The following OPA1 variants were observed in gnomAD, a reference collection of about 807,000 sequenced individuals.
OPA1 encodes the protein dynamin-like GTPase OPA1, mitochondrial.
Under a neutral mutation model 152.9 loss-of-function variants are expected in OPA1, and 59 were observed. That is an observed-to-expected ratio of 0.39 (90% CI 0.31 to 0.48). The LOEUF is 0.48. Ranked by LOEUF, OPA1 falls within the 20% of genes least tolerant of loss-of-function variation. The pLI, the probability that OPA1 is intolerant of heterozygous loss-of-function variation, is 0.96. For synonymous variants in OPA1, 400 were observed against 389.9 expected (o/e 1.03, Z -0.31); for missense variants, 1,008 against 1,216.8 (o/e 0.83, Z 2.55).
chr3:193,692,710 C>T (rs537185948), intron 30 of OPA1, among the ~76,000 whole-genome samples: 1 of 152,342 alleles, frequency 6.6e-6, no homozygotes, highest in South Asian at 2.1e-4. Context: ...TATTTAAGGA[C>T]TTTTCCTTAG....
chr3:193,669,390 A>C (rs1160311965), intron 29 of OPA1, among the ~76,000 whole-genome samples: 1 of 152,136 alleles, frequency 6.6e-6, no homozygotes, highest in Non-Finnish European at 1.5e-5. Flanking sequence ...CCACCTTGGC[A>C]ATGTAGTTAA....
In OPA1 at chr3:193,692,123, A is replaced by T; in HGVS notation, c.3044A>T (p.Lys1015Ile). The stretch of plus-strand genomic sequence containing the variant: ...TTCATTGAAGCTCTTCATCAGGAGA[A>T]ATAAATTAAGTGAGTAAAAATTCTC... ...DAFIEALHQE[K>I] The change falls in exon 30 of 31, where the codon AAA (lysine) becomes ATA (isoleucine). Residue 1015 changes from lysine to isoleucine, a missense_variant. By Grantham distance (102) the Lys-to-Ile change is moderately radical (BLOSUM62 -3). Transcript: ENST00000361510. The T allele has an allele frequency of 6.6e-7, 1 of 1,524,400 alleles. No individual in the cohort carries two copies. Among genetic ancestry groups the T allele is most frequent in the African/African-American group, 1.4e-5 (1 of 73,160 alleles). 94.4% of individuals were successfully genotyped at this position (1,524,400 alleles called of 1,614,324 possible). A position where few individuals can be genotyped will look rare whatever the true frequency, so the allele number is the denominator to read the frequency against.
chr3:193,614,624 T>C, intron 1 of OPA1, 99 bp from the exon 2 acceptor site: 2 of 804,092 alleles, frequency 2.5e-6, no homozygotes, highest in Non-Finnish European at 4.3e-6. Flanking sequence ...GTTAGTCACG[T>C]ATGGGGCTGT....
intron 19 of OPA1, 142 bp from the exon 20 acceptor site, chr3:193,647,928 G>C: frequency 1.5e-6 from 1 of 679,798 alleles, no homozygotes; most frequent in South Asian, 1.6e-5. Flanking sequence ...ATTCTGAGAC[G>C]TTGAGATCCC....
chr3:193,620,415 A>G (rs763251921), intron 6 of OPA1, among the ~76,000 whole-genome samples: 1 of 152,232 alleles, frequency 6.6e-6, no homozygotes, highest in East Asian at 1.9e-4. Flanking sequence ...ATAGAAAAGA[A>G]GCCAGATAAT....
chr3:193,646,915 G>A (rs1197492875), intron 18 of OPA1, 150 bp from the exon 19 acceptor site: 1 of 602,448 alleles, frequency 1.7e-6, no homozygotes, highest in Non-Finnish European at 3.0e-6. Flanking sequence ...GTATTGGAAT[G>A]TTTTCCTCCT....
chr3:193,602,249 G>A (rs1302204313), intron 1 of OPA1, among the ~76,000 whole-genome samples: 1 of 152,058 alleles, frequency 6.6e-6, no homozygotes, highest in East Asian at 1.9e-4. Flanking sequence ...TGTGAGATGT[G>A]GACCCATGGT....
intron 7 of OPA1, among the ~76,000 whole-genome samples, chr3:193,628,816 C>T (rs963956741): frequency 6.6e-6 from 1 of 152,122 alleles, no homozygotes; most frequent in African/African-American, 2.4e-5. Context: ...ATTATCATCT[C>T]ATCAATCTTT....
At chr3:193,689,015 A>C (rs921007961) in intron 29 of OPA1, 7 of 152,144 alleles carry the variant, frequency 4.6e-5, no homozygotes, top group African/African-American at 1.7e-4. Context: ...TGTGTTTCTT[A>C]ATCAGAGAAG....
Position 193,616,144 on chromosome 3 carries a change from C to T in OPA1, c.448+374C>T, listed in dbSNP as rs187470116. Among the ~76,000 whole-genome samples, 14 of 152,170 alleles carry T rather than the reference C, an allele frequency of 9.2e-5. No homozygotes were observed. In the East Asian group the frequency reaches 2.1e-3, roughly 23 times the overall value. ...CTTCCGACTCTGCCTCCCAAGTAGC[C>T]GGGACTACATGTGTGTGCCACCATG... On this transcript the variant is annotated intron_variant, in intron 3 of 30. Coordinates refer to ENST00000361510, the MANE Select transcript of OPA1 (RefSeq NM_130837.3).
intron 30 of OPA1, among the ~76,000 whole-genome samples, chr3:193,693,650 G>A (rs568420149): frequency 6.6e-6 from 1 of 152,180 alleles, no homozygotes; most frequent in South Asian, 2.1e-4. Context: ...CAAAAAAAAA[G>A]TGAAGACAGA....
At chr3:193,657,000 C>A in intron 22 of OPA1, 80 bp from the exon 23 acceptor site, 1 of 1,257,038 alleles carries the variant, frequency 8.0e-7, no homozygotes, top group Non-Finnish European at 1.1e-6. Context: ...ATCTGTTTGG[C>A]TTGAGCTCGT....
chr3:193,662,675 T>A, intron 25 of OPA1, 147 bp from the exon 26 acceptor site: 3 of 706,370 alleles, frequency 4.2e-6, no homozygotes, highest in Non-Finnish European at 7.2e-6. Flanking sequence ...GGGTGCTGTG[T>A]TCTTTCTTGT....
At chr3:193,691,443 G>A (rs1402824768) in intron 29 of OPA1, 2 of 152,028 alleles carry the variant, frequency 1.3e-5, no homozygotes, top group African/African-American at 4.8e-5. Context: ...CTTATTTATA[G>A]CTGGCAAAGT....
At chr3:193,611,320 T>G (rs1728200757) in intron 1 of OPA1, among the ~76,000 whole-genome samples, 1 of 152,076 alleles carries the variant, frequency 6.6e-6, no homozygotes, top group South Asian at 2.1e-4. Flanking sequence ...TTAGCTAGGT[T>G]GGGCACGATG....
chr3:193,636,835 C>T (rs922819556), intron 9 of OPA1, among the ~76,000 whole-genome samples: 1 of 142,772 alleles, frequency 7.0e-6, no homozygotes, highest in Non-Finnish European at 1.5e-5. Flanking sequence ...ATTTCATTGT[C>T]AGTTGGTTAC....
At chr3:193,646,255 T>C (rs1734591671) in intron 18 of OPA1, among the ~76,000 whole-genome samples, 1 of 152,212 alleles carries the variant, frequency 6.6e-6, no homozygotes, top group Non-Finnish European at 1.5e-5. Context: ...ACTAAAACTT[T>C]ATATGTTGAG....
chr3:193,659,906 G>A (rs1714817016), intron 25 of OPA1, among the ~76,000 whole-genome samples: 1 of 152,014 alleles, frequency 6.6e-6, no homozygotes, highest in Non-Finnish European at 1.5e-5. Flanking sequence ...AACCCTTTGG[G>A]AGGCCAAGTC....
At chr3:193,644,159 T>C in intron 16 of OPA1, 54 bp downstream of exon 16, 1 of 1,595,264 alleles carries the variant, frequency 6.3e-7, no homozygotes, top group Non-Finnish European at 8.6e-7. Flanking sequence ...GCTCCAGCTG[T>C]GATAGGGATT....
Sources: gnomAD v4.1 joint callset for allele counts (sites outside exome capture counted in the v4.1 genomes callset) on GRCh38, gnomAD v4.1.1 for gene constraint, MANE v1.5 for transcripts, NCBI Gene and HGNC (gene_info 2026-07-23, HGNC 2026-07-21) for gene names.